Variants in SCNN1B observed in about 807,000 individuals in gnomAD.
The protein encoded by SCNN1B is sodium channel epithelial 1 subunit beta, also known as epithelial sodium channel subunit beta.
Under a neutral mutation model 65.3 loss-of-function variants are expected in SCNN1B, and 46 were observed. The observed-to-expected ratio is 0.70, with a 90% confidence interval of 0.56 to 0.90. SCNN1B has a LOEUF of 0.90. Ranked by LOEUF, SCNN1B falls within the 40% of genes least tolerant of loss-of-function variation. SCNN1B has a pLI of 0.00. For synonymous variants in SCNN1B, 349 were observed against 330.6 expected (o/e 1.06, Z -0.60); for missense variants, 751 against 830.5 (o/e 0.90, Z 1.18).
At chr16:23,336,465 G>A (rs978062032) in intron 1 of SCNN1B, among the ~76,000 whole-genome samples, 29 of 149,536 alleles carry the variant, frequency 1.9e-4, no homozygotes, top group Non-Finnish European at 2.8e-4. Flanking sequence ...TTCCCCTCCC[G>A]GGTTCAAGCA....
At chr16:23,315,337 C>CAA (rs879630724) in intron 1 of SCNN1B, among the ~76,000 whole-genome samples, 1 of 143,620 alleles carries the variant, frequency 7.0e-6, no homozygotes, top group Non-Finnish European at 1.5e-5. Flanking sequence ...AAGTCTGTCT[C>CAA]AAAAAAAAAA....
At chr16:23,300,951 G>T (rs1344266915), upstream of SCNN1B, among the ~76,000 whole-genome samples, 8 of 151,692 alleles carry the variant, frequency 5.3e-5, no homozygotes, top group Admixed American at 5.3e-4. Context: ...CATATGGAAA[G>T]TATCATTATA....
At position 23,380,365 on chromosome 16, in the gene SCNN1B, G is replaced by C; in HGVS notation, c.1543-56G>C. The C allele has an allele frequency of 6.2e-7, 1 of 1,612,820 alleles. No homozygotes were observed. The highest frequency in any genetic ancestry group is 8.5e-7 in the Non-Finnish European group (1 of 1,179,702). On this transcript the variant is annotated intron_variant, in intron 12 of 12. Coordinates refer to ENST00000343070, the MANE Select transcript of SCNN1B (RefSeq NM_000336.3). This position sits in a 1 kb window ranked among gnomAD's most constrained non-coding sequence, Gnocchi z 5.4. ...TCACCTCCCAGGAAGCTGTGAGGCT[G>C]GGCTAGAGGCAAGAATGTGTGGCCT...
chr16:23,367,488 G>A (rs1962692812), intron 4 of SCNN1B, among the ~76,000 whole-genome samples: 1 of 152,052 alleles, frequency 6.6e-6, no homozygotes, highest in Admixed American at 6.6e-5. Context: ...GTAGAGATGA[G>A]GGTCTCACCA....
chr16:23,371,196 C>G, intron 5 of SCNN1B, 103 bp from the exon 6 acceptor site: 1 of 1,360,836 alleles, frequency 7.3e-7, no homozygotes, highest in Non-Finnish European at 1.0e-6. Flanking sequence ...TTGGCGGTCC[C>G]TGGAGGTCCC....
In SCNN1B at chr16:23,367,063, T is replaced by C. The variant is rs147186779; in HGVS notation, c.777-793T>C. 4.3e-3 allele frequency among the ~76,000 whole-genome samples: 659 copies of C among 152,266 alleles called. 9 individuals carry two copies. The highest frequency in any genetic ancestry group is 0.015 in the African/African-American group (633 of 41,526). ...GCCTCAGTCTTCAATGAGCTTCTCC[T>C]CTGTATCTGTCTCTCTTCTGTGTCT... On this transcript the variant is annotated intron_variant, in intron 4 of 12. Transcript: ENST00000343070.
chr16:23,318,765 G>A (rs905448639), intron 1 of SCNN1B, among the ~76,000 whole-genome samples: 9 of 152,196 alleles, frequency 5.9e-5, no homozygotes, highest in African/African-American at 1.2e-4. Context: ...AAGGGCCAAC[G>A]AAATTGCCAG....
At chr16:23,284,744 G>A (rs1252587360) in intron 2 of SCNN1B, among the ~76,000 whole-genome samples, 1 of 152,172 alleles carries the variant, frequency 6.6e-6, no homozygotes, top group Non-Finnish European at 1.5e-5. Flanking sequence ...TGTCTAAATG[G>A]GGCAGCCCTA....
At chr16:23,373,120 TAATAA>T (rs1962820054) in intron 7 of SCNN1B, among the ~76,000 whole-genome samples, 1 of 151,790 alleles carries the variant, frequency 6.6e-6, no homozygotes, top group Non-Finnish European at 1.5e-5. Context: ...AAAAGTAAAA[TAATAA>T]AATAAAAAAG....
chr16:23,297,065 A>T (rs1005673409), intron 2 of SCNN1B, among the ~76,000 whole-genome samples: 6 of 151,626 alleles, frequency 4.0e-5, no homozygotes, highest in African/African-American at 1.5e-4. Flanking sequence ...TGGAATAAGG[A>T]TTCCACCAAC....
intron 2 of SCNN1B, among the ~76,000 whole-genome samples, chr16:23,289,673 C>CTTTT (rs11369014): frequency 5.6e-5 from 7 of 124,112 alleles, no homozygotes; most frequent in Non-Finnish European, 8.2e-5. Flanking sequence ...CAATATTTAA[C>CTTTT]TTTTTTTTTT....
At chr16:23,324,488 C>A (rs1249348460) in intron 1 of SCNN1B, among the ~76,000 whole-genome samples, 2 of 152,282 alleles carry the variant, frequency 1.3e-5, no homozygotes, top group Non-Finnish European at 2.9e-5. Flanking sequence ...CAGGCCTGAG[C>A]CACTGGCCCC....
intron 1 of SCNN1B, among the ~76,000 whole-genome samples, chr16:23,320,418 C>T (rs1013494476): frequency 3.9e-5 from 6 of 152,168 alleles, no homozygotes; most frequent in African/African-American, 1.4e-4. Context: ...GGTTGGGGGG[C>T]CCCGCAGTCC....
chr16:23,375,701 C>T, intron 7 of SCNN1B, 37 bp from the exon 8 acceptor site: 1 of 1,416,656 alleles, frequency 7.1e-7, no homozygotes. Flanking sequence ...CTGACCATGC[C>T]TGTGTTCTCT....
chr16:23,305,559 T>A (rs867780908), intron 1 of SCNN1B, among the ~76,000 whole-genome samples: 10,606 of 55,258 alleles, frequency 0.19, 1,506 homozygotes, highest in East Asian at 0.24. Context: ...TATATATATA[T>A]ATATATATAT....
chr16:23,354,744 C>T (rs552519615), intron 3 of SCNN1B, among the ~76,000 whole-genome samples: 20 of 152,098 alleles, frequency 1.3e-4, no homozygotes, highest in Non-Finnish European at 2.5e-4. Flanking sequence ...ATAAGTGTTG[C>T]GGCCACTTGT....
At chr16:23,297,807 C>T (rs1157636484), upstream of SCNN1B, among the ~76,000 whole-genome samples, 1 of 152,136 alleles carries the variant, frequency 6.6e-6, no homozygotes, top group East Asian at 1.9e-4. Context: ...GTCAACACCC[C>T]TAAGATCAAA....
intron 7 of SCNN1B, among the ~76,000 whole-genome samples, chr16:23,373,137 GAGAC>G (rs1962820335): frequency 6.6e-6 from 1 of 152,050 alleles, no homozygotes; most frequent in Non-Finnish European, 1.5e-5. Context: ...ATAAAAAAGA[GAGAC>G]AGGGTCTTGC....
rs1289321414 is a variant in SCNN1B, at chr16:23,380,359, G to A, written c.1543-62G>A. On this transcript the variant is annotated intron_variant, in intron 12 of 12. Transcript: ENST00000343070. This position sits in a 1 kb window ranked among gnomAD's most constrained non-coding sequence, Gnocchi z 5.4. ...CAAGAATCACCTCCCAGGAAGCTGT[G>A]AGGCTGGGCTAGAGGCAAGAATGTG... 1.9e-6 allele frequency: 3 copies of A among 1,612,440 alleles called. No homozygotes were observed. The Admixed American group carries it at 5.0e-5, about 27-fold the overall frequency.
Sources: allele counts gnomAD v4.1 joint callset (sites outside exome capture counted in the v4.1 genomes callset), GRCh38; gene constraint gnomAD v4.1.1; non-coding constraint Gnocchi (gnomAD v3.1); transcripts MANE v1.5; gene names NCBI Gene and HGNC (gene_info 2026-07-23, HGNC 2026-07-21).